Variants in NECTIN3 observed in about 807,000 individuals in gnomAD.
The protein encoded by NECTIN3 is nectin-3.
In NECTIN3, 8 loss-of-function variants were observed where a neutral mutation model predicts 49.4. The observed-to-expected ratio is 0.16, with a 90% CI of 0.10 to 0.29. NECTIN3 has a LOEUF of 0.29. NECTIN3 is among the 10% of genes least tolerant of loss of function. NECTIN3 has a pLI of 1.00. For missense variants in NECTIN3, 581 were observed against 654.6 expected, an observed-to-expected ratio of 0.89 and a Z score of 1.23; for synonymous variants, 277 against 241.1, an observed-to-expected ratio of 1.15 and a Z score of -1.38.
At chr3:111,193,087 A>G (rs2035841644) in intron 1 of NECTIN3, 4 of 929,022 alleles carry the variant, frequency 4.3e-6, no homozygotes, top group Non-Finnish European at 6.3e-6. Flanking sequence ...AGTTTTTGGC[A>G]TAATGAATCA....
intron 1 of NECTIN3, chr3:111,072,759 G>C (rs2107342080): frequency 1.7e-6 from 1 of 588,710 alleles, no homozygotes; most frequent in African/African-American, 1.9e-5. Flanking sequence ...TCTCTAGATT[G>C]ACCCTCGTCC....
intron 5 of NECTIN3, among the ~76,000 whole-genome samples, chr3:111,127,243 T>C (rs1436818747): frequency 6.6e-6 from 1 of 152,210 alleles, no homozygotes; most frequent in Non-Finnish European, 1.5e-5. Context: ...TGGTGAAATT[T>C]TGTGCTTGCT....
Position 111,133,951 on chromosome 3 carries a change from G to A in NECTIN3, c.1386G>A (p.Glu462=). The change falls in exon 6 of 6, where the codon GAG becomes GAA. Residue 462 remains glutamate (E), a synonymous_variant. Coordinates refer to ENST00000485303, the MANE Select transcript of NECTIN3 (RefSeq NM_015480.3). ...AAATAGATGTTCTTCAACAAGATGA[G>A]CTTGATTCTTACCCAGACAGTGTAA... ...ESQIDVLQQD[E]LDSYPDSVKK... 6.2e-7 allele frequency: 1 copy of A among 1,613,792 alleles called. No individual in the cohort carries two copies. Among genetic ancestry groups the A allele is most frequent in the Non-Finnish European group, 8.5e-7 (1 of 1,179,862 alleles).
At chr3:111,161,816 A>G (rs2035217899) in intron 7 of NECTIN3, among the ~76,000 whole-genome samples, 1 of 152,156 alleles carries the variant, frequency 6.6e-6, no homozygotes, top group South Asian at 2.1e-4. Flanking sequence ...ACATAAGAGA[A>G]ATCCACCTTA....
chr3:111,160,125 A>C (rs2035180123), intron 7 of NECTIN3, among the ~76,000 whole-genome samples: 1 of 152,094 alleles, frequency 6.6e-6, no homozygotes, highest in African/African-American at 2.4e-5. Flanking sequence ...AAAACAGAAT[A>C]CTCCATGGTG....
intron 1 of NECTIN3, among the ~76,000 whole-genome samples, chr3:111,108,480 G>A (rs749321545): frequency 2.0e-5 from 3 of 152,124 alleles, no homozygotes; most frequent in Non-Finnish European, 4.4e-5. Context: ...TTTCTGGATT[G>A]TAAGGAGATA....
chr3:111,190,804 C>G (rs2035801027), upstream of NECTIN3, among the ~76,000 whole-genome samples: 1 of 152,192 alleles, frequency 6.6e-6, no homozygotes. Flanking sequence ...AAGTAAGGCT[C>G]ACTACTTACT....
At chr3:111,092,237 G>C (rs2032312833) in intron 1 of NECTIN3, among the ~76,000 whole-genome samples, 1 of 151,994 alleles carries the variant, frequency 6.6e-6, no homozygotes, top group Non-Finnish European at 1.5e-5. Context: ...GATTTCTTTT[G>C]GTCTGTAGGT....
chr3:111,143,803 CT>C (rs561930247), intron 5 of NECTIN3, among the ~76,000 whole-genome samples: 56 of 152,126 alleles, frequency 3.7e-4, no homozygotes, highest in African/African-American at 1.3e-3. Flanking sequence ...TCCAACCTAA[CT>C]TTATTTCTCT....
chr3:111,137,528 TTAAA>T lies in NECTIN3; in HGVS notation c.*3318_*3321del. 5.1e-6 allele frequency: 5 copies of T among 972,208 alleles called. No individual in the cohort carries two copies. The highest frequency in any genetic ancestry group is 6.1e-6 in the Non-Finnish European group (5 of 820,622). 60.2% of individuals were successfully genotyped at this position (972,208 alleles called of 1,614,324 possible). On this transcript the variant is annotated 3_prime_UTR_variant, in exon 6 of 6. Coordinates refer to ENST00000485303, the MANE Select transcript of NECTIN3 (RefSeq NM_015480.3). ...GCCCCAATAGCCATGCATGAAATCT[TTAAA>T]TAAAAGTTAAAAAAGTTCTTTAGAG...
intron 5 of NECTIN3, among the ~76,000 whole-genome samples, chr3:111,126,958 AT>A: frequency 6.6e-6 from 1 of 152,304 alleles, no homozygotes; most frequent in South Asian, 2.1e-4. Flanking sequence ...AAATTTTGGC[AT>A]TCGTAAAATA....
At position 111,134,022 on chromosome 3, in the gene NECTIN3, A is replaced by G. The variant is rs1559800748; in HGVS notation, c.1457A>G (p.Tyr486Cys). Reference protein sequence around the residue: ...NPVNNLIRKDYLEEPEKTQWN... With the variant: ...NPVNNLIRKDCLEEPEKTQWN... ...GTGAACAATCTAATACGTAAAGACT[A>G]TTTAGAAGAGCCTGAAAAAACTCAG... The change falls in exon 6 of 6, where the codon TAT (tyrosine) becomes TGT (cysteine). Residue 486 changes from tyrosine (Y) to cysteine (C), a missense_variant. Around this residue, in one of 3 missense-constraint regions of NECTIN3, gnomAD observed 238 missense variants for 244.9 expected, o/e 0.97. Coordinates refer to ENST00000485303, the MANE Select transcript of NECTIN3 (RefSeq NM_015480.3). 3.1e-6 allele frequency: 5 copies of G among 1,612,912 alleles called. No homozygotes were observed. Among genetic ancestry groups the G allele is most frequent in the Non-Finnish European group, 4.2e-6 (5 of 1,179,400 alleles).
intron 7 of NECTIN3, among the ~76,000 whole-genome samples, chr3:111,161,377 C>A (rs1386835489): frequency 3.3e-5 from 5 of 152,112 alleles, no homozygotes; most frequent in Non-Finnish European, 7.4e-5. Flanking sequence ...CCAGTGAGTT[C>A]TCAAGGATGC....
intron 3 of NECTIN3, among the ~76,000 whole-genome samples, chr3:111,119,738 A>G (rs1360089723): frequency 6.6e-6 from 1 of 152,230 alleles, no homozygotes; most frequent in African/African-American, 2.4e-5. Context: ...AGGTAGTAAA[A>G]AAGGTGATGG....
In NECTIN3 at chr3:111,150,296, CAA is replaced by C. The variant is rs894623615; in HGVS notation, c.1221+2813_1221+2814del. ...AAAGCTTTTCAATCGCTTGAACTAT[CAA>C]GAGATTTTCTCTCCTGATACCTATT... On this transcript the variant is annotated intron_variant, in intron 7 of 8. Coordinates refer to the NECTIN3 transcript ENST00000493615. Among the ~76,000 whole-genome samples the C allele has an allele frequency of 4.6e-4, 67 of 145,578 alleles. 2 individuals are homozygous for C. The highest frequency in any genetic ancestry group is 8.8e-5 in the Non-Finnish European group (6 of 67,804).
intron 1 of NECTIN3, among the ~76,000 whole-genome samples, chr3:111,093,704 G>T (rs2032411863): frequency 6.6e-6 from 1 of 152,126 alleles, no homozygotes; most frequent in Non-Finnish European, 1.5e-5. Context: ...CCAAAGTGCT[G>T]GGATTACAGG....
At chr3:111,189,452 A>C (rs2035776752), upstream of NECTIN3, among the ~76,000 whole-genome samples, 1 of 152,244 alleles carries the variant, frequency 6.6e-6, no homozygotes, top group African/African-American at 2.4e-5. Flanking sequence ...AAAGATATCC[A>C]GATACCACTT....
intron 7 of NECTIN3, among the ~76,000 whole-genome samples, chr3:111,178,264 G>C (rs1283776456): frequency 6.6e-6 from 1 of 152,196 alleles, no homozygotes. Context: ...TAAACCTCAT[G>C]ATAGCAGCCT....
At chr3:111,126,407 T>C in intron 5 of NECTIN3, 72 bp downstream of exon 5, 1 of 1,292,354 alleles carries the variant, frequency 7.7e-7, no homozygotes, top group African/African-American at 1.5e-5. Context: ...AATATGATCC[T>C]AAGCAATAAT....
Sources: allele counts gnomAD v4.1 joint callset (sites outside exome capture counted in the v4.1 genomes callset), GRCh38; gene constraint gnomAD v4.1.1; regional missense constraint gnomAD v4.1.1; transcripts MANE v1.5; gene names NCBI Gene and HGNC (gene_info 2026-07-23, HGNC 2026-07-21).